C19orf18: variants seen among roughly 807,000 people sequenced by gnomAD.
The protein encoded by C19orf18 is chromosome 19 open reading frame 18.
C19orf18 carries 21 observed loss-of-function variants against 23.3 expected under a neutral mutation model. That is an observed-to-expected ratio of 0.90 (90% confidence interval 0.64 to 1.30). The LOEUF (loss-of-function observed/expected upper bound fraction) is 1.30, where lower values mean the gene tolerates loss of function less well. Among genes scored for constraint, C19orf18 ranks in the 50% most tolerant of loss-of-function variants. C19orf18 has a pLI of 0.00. For missense variants in C19orf18, 249 were observed against 259.6 expected, an observed-to-expected ratio of 0.96 and a Z score of 0.28; for synonymous variants, 96 against 95.2, an observed-to-expected ratio of 1.01 and a Z score of -0.05.
At position 57,961,430 on chromosome 19, in the gene C19orf18, G is replaced by T; in HGVS notation, c.493C>A (p.Pro165Thr). 1 of 1,613,992 alleles carries T rather than the reference G, an allele frequency of 6.2e-7. No homozygotes were observed. Among genetic ancestry groups the T allele is most frequent in the Non-Finnish European group, 8.5e-7 (1 of 1,179,980 alleles). ...EDEGESTHLL[P>T]ENENELEKFI... is the part of the protein sequence containing the mutation. ...TTTTCCAGCTCATTTTCGTTCTCTG[G>T]AAGTAGGTGCGTGGACTCACCCTCG... is the stretch of plus-strand genomic sequence containing the variant. Residue 165 changes from proline (P) to threonine (T), a missense_variant, in exon 5 of 6, where the codon CCA becomes ACA. By Grantham distance (38) the Pro-to-Thr change is conservative. Transcript: ENST00000314391.
chr19:57,970,828 G>A (rs1299768280), intron 3 of C19orf18, among the ~76,000 whole-genome samples: 1 of 152,128 alleles, frequency 6.6e-6, no homozygotes, highest in East Asian at 1.9e-4. Context: ...CCAAAGTGTT[G>A]GGATTACAGG....
chr19:57,974,405 T>C lies in C19orf18; in HGVS notation c.28A>G (p.Ile10Val). Reference sequence around the variant, plus strand: ...CATTCCATTAAAAACAAAAACAAAATGAGGAAACCACTCTGAACCTTGTCC... The same window carrying C: ...CATTCCATTAAAAACAAAAACAAAACGAGGAAACCACTCTGAACCTTGTCC... MDKVQSGFL[I>V]LFLFLMECQL... The change falls in exon 1 of 6, where the codon ATT becomes GTT. Residue 10 changes from isoleucine to valine, a missense_variant. By Grantham distance (29) the Ile-to-Val change is conservative (BLOSUM62 3). Transcript: ENST00000314391. 1 of 1,613,908 alleles carries C rather than the reference T, an allele frequency of 6.2e-7. No homozygotes were observed. The highest frequency in any genetic ancestry group is 8.5e-7 in the Non-Finnish European group (1 of 1,179,946).
rs1233922466 is a variant in C19orf18 at position 57,958,577 on chromosome 19, C to T, written c.*25G>A. 6.7e-7 allele frequency: 1 copy of T among 1,498,046 alleles called. No individual in the cohort carries two copies. The highest frequency in any genetic ancestry group is 1.9e-5 in the Admixed American group (1 of 52,046). 92.8% of individuals were successfully genotyped at this position (1,498,046 alleles called of 1,614,324 possible). ...CACCCCCATAGTTTCTCCTCTGCCT[C>T]AGCCGGCACCTCTGTCGTCTGCGTT... On this transcript the variant is annotated 3_prime_UTR_variant, in exon 6 of 6. Transcript: ENST00000314391.
intron 3 of C19orf18, among the ~76,000 whole-genome samples, chr19:57,969,566 G>GAAAAAAAAAAAAAACA (rs2072930199): frequency 2.2e-5 from 1 of 46,498 alleles, no homozygotes; most frequent in Non-Finnish European, 3.5e-5. Context: ...AAAAAAAACA[G>GAAAAAAAAAAAAAACA]AAAAAAAAAA....
intron 5 of C19orf18, among the ~76,000 whole-genome samples, chr19:57,959,397 C>T (rs867052872): frequency 2.0e-5 from 3 of 151,830 alleles, no homozygotes; most frequent in African/African-American, 4.8e-5. Context: ...CTGAACAGGG[C>T]GGATCACTTG....
Position 57,974,423 on chromosome 19 carries a change from C to G in C19orf18, c.10G>C (p.Val4Leu), listed in dbSNP as rs752809767. 2 of 1,613,910 alleles carry G rather than the reference C, an allele frequency of 1.2e-6. No homozygotes were observed. The highest frequency in any genetic ancestry group is 1.7e-6 in the Non-Finnish European group (2 of 1,179,954). MDK[V>L]QSGFLILFLF... ...AACAAAATGAGGAAACCACTCTGAA[C>G]CTTGTCCATCACTCTCAAATTATCA... The change falls in exon 1 of 6, where the codon GTT becomes CTT. Residue 4 changes from valine to leucine, a missense_variant. Physicochemically the swap from Val to Leu is conservative, Grantham distance 32. Coordinates refer to ENST00000314391, the MANE Select transcript of C19orf18 (RefSeq NM_152474.5).
chr19:57,970,494 T>C (rs1352050322), intron 3 of C19orf18, among the ~76,000 whole-genome samples: 1 of 152,210 alleles, frequency 6.6e-6, no homozygotes, highest in Non-Finnish European at 1.5e-5. Context: ...ATAAACTCTG[T>C]ACTTAATCAT....
chr19:57,971,156 T>C (rs1226701099), intron 3 of C19orf18, among the ~76,000 whole-genome samples: 2 of 152,160 alleles, frequency 1.3e-5, no homozygotes, highest in Non-Finnish European at 2.9e-5. Context: ...TTATTTTCTG[T>C]ATTTCCTGAT....
intron 5 of C19orf18, 105 bp from the exon 6 acceptor site, chr19:57,958,822 G>A: frequency 1.8e-6 from 1 of 554,522 alleles, no homozygotes; most frequent in Non-Finnish European, 3.1e-6. Context: ...TACCAACAGT[G>A]GAATTTTCAG....
intron 3 of C19orf18, 37 bp downstream of exon 3, chr19:57,972,426 T>C (rs772363290): frequency 2.0e-5 from 32 of 1,610,450 alleles, no homozygotes; most frequent in East Asian, 1.8e-4. Context: ...TCAGGAATGT[T>C]GCGGGTCCAC....
chr19:57,973,119 C>A (rs542393290), intron 2 of C19orf18, among the ~76,000 whole-genome samples: 9 of 118,170 alleles, frequency 7.6e-5, no homozygotes, highest in Non-Finnish European at 1.3e-4. Context: ...TGCACTCCAG[C>A]TGGGTGACAG....
rs375541157 is a variant in C19orf18, at chr19:57,961,465, C to T, written c.458G>A (p.Gly153Asp). Residue 153 changes from glycine to aspartate, a missense_variant, in exon 5 of 6, where the codon GGC (glycine) becomes GAC (aspartate). Coordinates refer to ENST00000314391, the MANE Select transcript of C19orf18 (RefSeq NM_152474.5). ...CGTGGACTCACCCTCGTCCTCTGAG[C>T]CCTCTTCTTCATCTCCTAATAACGG... ...RIPLLGDEEE[G>D]SEDEGESTHL... 3.1e-6 allele frequency: 5 copies of T among 1,614,002 alleles called. No homozygotes were observed. The highest frequency in any genetic ancestry group is 1.7e-5 in the Admixed American group (1 of 59,978).
intron 3 of C19orf18, among the ~76,000 whole-genome samples, chr19:57,969,573 A>C (rs1169375295): frequency 1.6e-5 from 2 of 123,060 alleles, no homozygotes; most frequent in Non-Finnish European, 3.9e-5. Context: ...ACAGAAAAAA[A>C]AAAAAAAAAA....
At chr19:57,972,547 A>G in intron 2 of C19orf18, 43 bp from the exon 3 acceptor site, 1 of 1,597,828 alleles carries the variant, frequency 6.3e-7, no homozygotes. Flanking sequence ...AGACTTTAAG[A>G]TGGTTTAAGA....
At chr19:57,969,142 C>T (rs1488824670) in intron 3 of C19orf18, among the ~76,000 whole-genome samples, 2 of 152,152 alleles carry the variant, frequency 1.3e-5, no homozygotes, top group Non-Finnish European at 2.9e-5. Context: ...GCCATGTCTC[C>T]TGTTTCCAGG....
chr19:57,960,822 G>A (rs2072864114), intron 5 of C19orf18, among the ~76,000 whole-genome samples: 1 of 152,166 alleles, frequency 6.6e-6, no homozygotes, highest in Admixed American at 6.6e-5. Context: ...CCGTAAGTGT[G>A]GCTGTGAATA....
chr19:57,963,083 A>G (rs994991351), intron 4 of C19orf18, among the ~76,000 whole-genome samples: 2 of 150,122 alleles, frequency 1.3e-5, no homozygotes, highest in Admixed American at 6.6e-5. Context: ...CTGGAGTGCA[A>G]TGGCGCGATC....
At chr19:57,972,219 G>A (rs887346504) in intron 3 of C19orf18, among the ~76,000 whole-genome samples, 1 of 152,236 alleles carries the variant, frequency 6.6e-6, no homozygotes, top group Non-Finnish European at 1.5e-5. Context: ...TCCACAAAGA[G>A]ATCTCAGACA....
chr19:57,967,976 C>T (rs947423722), intron 3 of C19orf18, among the ~76,000 whole-genome samples: 1 of 152,090 alleles, frequency 6.6e-6, no homozygotes, highest in African/African-American at 2.4e-5. Context: ...CGTGCCACTG[C>T]ACTCCAGCCT....
Sources: allele counts gnomAD v4.1 joint callset (sites outside exome capture counted in the v4.1 genomes callset), GRCh38; gene constraint gnomAD v4.1.1; transcripts MANE v1.5; gene names NCBI Gene and HGNC (gene_info 2026-07-23, HGNC 2026-07-21).